GABRA5: variants seen among roughly 807,000 people sequenced by gnomAD.
The protein encoded by GABRA5 is gamma-aminobutyric acid type A receptor subunit alpha5.
A neutral mutation model predicts 47.3 loss-of-function variants in GABRA5; 18 were observed. That is an observed-to-expected ratio of 0.38 (90% CI 0.26 to 0.56). GABRA5 has a LOEUF of 0.56. GABRA5 is among the 20% of genes least tolerant of loss of function. GABRA5 has a pLI of 0.71. For synonymous variants in GABRA5, 237 were observed against 229.3 expected (o/e 1.03, Z -0.30); for missense variants, 365 against 599.3 (o/e 0.61, Z 4.08).
chr15:26,894,394 G>C (rs540405079), intron 6 of GABRA5, among the ~76,000 whole-genome samples: 1 of 152,302 alleles, frequency 6.6e-6, no homozygotes, highest in East Asian at 1.9e-4. Context: ...CGGGCAGCCA[G>C]TGGGTCCCCG....
chr15:26,894,603 A>C (rs1451067016), intron 6 of GABRA5, among the ~76,000 whole-genome samples: 1 of 152,016 alleles, frequency 6.6e-6, no homozygotes, highest in Non-Finnish European at 1.5e-5. Context: ...AGTTTCCTTC[A>C]TCGGAATTCC....
At chr15:26,894,127 C>G (rs903187001) in intron 6 of GABRA5, among the ~76,000 whole-genome samples, 2 of 152,256 alleles carry the variant, frequency 1.3e-5, no homozygotes, top group African/African-American at 2.4e-5. Context: ...CGGGCAGAAG[C>G]CCTGCCCAGA....
At chr15:26,911,683 C>T (rs1221218713) in intron 6 of GABRA5, among the ~76,000 whole-genome samples, 1 of 152,128 alleles carries the variant, frequency 6.6e-6, no homozygotes, top group Non-Finnish European at 1.5e-5. Flanking sequence ...AGAGTAGGTG[C>T]ATGCAACAGA....
chr15:26,908,465 G>A (rs917519681), intron 6 of GABRA5, among the ~76,000 whole-genome samples: 6 of 152,166 alleles, frequency 3.9e-5, no homozygotes, highest in Admixed American at 1.3e-4. Flanking sequence ...ATTGCCTGCC[G>A]TCATGCCAGC....
At chr15:26,870,481 C>T (rs1892439344) in intron 3 of GABRA5, among the ~76,000 whole-genome samples, 1 of 152,170 alleles carries the variant, frequency 6.6e-6, no homozygotes, top group Non-Finnish European at 1.5e-5. Context: ...GATGCCTGTC[C>T]CTCACCAACA....
In GABRA5 at chr15:26,880,838, T is replaced by C; in HGVS notation, c.87-8T>C. ...TTTAACGCTTCCTCTTGTTTCTCTT[T>C]TTAAAAGCTTTTCACAGATGCCAAC... is the stretch of plus-strand genomic sequence containing the variant. On this transcript the variant is annotated splice_polypyrimidine_tract_variant and splice_region_variant and intron_variant, in intron 3 of 10. Coordinates refer to ENST00000335625, the MANE Select transcript of GABRA5 (RefSeq NM_000810.4). 6.2e-7 allele frequency: 1 copy of C among 1,612,720 alleles called. No individual in the cohort carries two copies. The highest frequency in any genetic ancestry group is 8.5e-7 in the Non-Finnish European group (1 of 1,179,484).
rs553678148 is a variant in GABRA5, at chr15:26,928,490, A to G, written c.581-8695A>G. ...TGAATGTTTGTTTCCTCCCCAAATC[A>G]TGTGTTGAAACCCAATCCCCAGTGT... On this transcript the variant is annotated intron_variant, in intron 7 of 10. Transcript: ENST00000335625. Among the ~76,000 whole-genome samples, 6 of 152,212 alleles carry G rather than the reference A, an allele frequency of 3.9e-5. No individual in the cohort carries two copies. In the South Asian group the frequency reaches 1.2e-3, roughly 32 times the overall value.
At chr15:26,898,371 G>A (rs1315877790) in intron 6 of GABRA5, among the ~76,000 whole-genome samples, 4 of 152,154 alleles carry the variant, frequency 2.6e-5, no homozygotes, top group Non-Finnish European at 5.9e-5. Context: ...TCACCCACAC[G>A]CTTCAACAAG....
chr15:26,938,076 AT>A (rs1894290436), intron 8 of GABRA5, among the ~76,000 whole-genome samples: 1 of 152,160 alleles, frequency 6.6e-6, no homozygotes, highest in Admixed American at 6.5e-5. Context: ...CCCAGAGGAT[AT>A]TTTCAGGGGA....
In GABRA5 at chr15:26,947,963, A is replaced by G. The variant is rs756646551; in HGVS notation, c.1119A>G (p.Ser373=). ...AGCGTGAAGTCATACTAAATAAGTC[A>G]ACAAACGCTTTTACAACTGGGAAGA... ...KKKREVILNK[S]TNAFTTGKMS... is the part of the protein sequence containing the mutation. The change falls in exon 11 of 11, where the codon TCA becomes TCG. Residue 373 remains serine, a synonymous_variant. Transcript: ENST00000335625. 5.7e-6 allele frequency: 9 copies of G among 1,587,328 alleles called. No individual in the cohort carries two copies. In the African/African-American group the frequency reaches 1.2e-4, roughly 21 times the overall value.
Position 26,883,845 on chromosome 15 carries a change from AATT to A in GABRA5, c.497+294_497+296del, listed in dbSNP as rs141740486. ...GCCCATATAATGTCGGATAGGGAAA[AATT>A]ATTATATTAAACTTAAACATCTAAG... On this transcript the variant is annotated intron_variant, in intron 6 of 10. Transcript: ENST00000335625. The surrounding 1 kb of genome is among the most constrained non-coding windows in gnomAD (Gnocchi z 4.8). Among the ~76,000 whole-genome samples, 399 of 152,184 alleles carry A rather than the reference AATT, an allele frequency of 2.6e-3. 9 individuals carry two copies. The East Asian group carries it at 0.066, about 25-fold the overall frequency.
chr15:26,939,579 T>A lies in GABRA5; in HGVS notation c.725-346T>A, dbSNP rs1894336412. ...GCTCTGTGAAATCCTGAGTTACATCTGGGGAGGCTAAATCCTGAAATCCTA... is the reference window on the plus strand; with the variant it reads ...GCTCTGTGAAATCCTGAGTTACATCAGGGGAGGCTAAATCCTGAAATCCTA... On this transcript the variant is annotated intron_variant, in intron 8 of 10. Transcript: ENST00000335625. 9 of 608,416 alleles carry A rather than the reference T, an allele frequency of 1.5e-5. No homozygotes were observed. The South Asian group carries it at 1.6e-4, about 11-fold the overall frequency. The allele number at this position is 608,416 out of a possible 1,614,324, so 37.7% of individuals were successfully genotyped here. A position where few individuals can be genotyped will look rare whatever the true frequency, so the allele number is the denominator to read the frequency against.
chr15:26,933,602 C>T (rs1216209628), intron 7 of GABRA5, among the ~76,000 whole-genome samples: 1 of 152,188 alleles, frequency 6.6e-6, no homozygotes, highest in Non-Finnish European at 1.5e-5. Context: ...TGACTCTCTC[C>T]CTGTCAGGCC....
chr15:26,889,132 A>G (rs902710210), intron 6 of GABRA5, among the ~76,000 whole-genome samples: 1 of 152,246 alleles, frequency 6.6e-6, no homozygotes, highest in African/African-American at 2.4e-5. Context: ...TTTGCACACT[A>G]TGTATTCCTC....
chr15:26,911,371 G>GCACACA (rs111798012), intron 6 of GABRA5, among the ~76,000 whole-genome samples: 10,856 of 118,284 alleles, frequency 0.092, 483 homozygotes, highest in Non-Finnish European at 0.11. Flanking sequence ...CTTGCTGCAT[G>GCACACA]CACACACACA....
chr15:26,928,329 T>C (rs1894008731), intron 7 of GABRA5, among the ~76,000 whole-genome samples: 1 of 152,228 alleles, frequency 6.6e-6, no homozygotes, highest in South Asian at 2.1e-4. Flanking sequence ...CACAGGTTTC[T>C]GAGTGCCTCG....
At position 26,883,564 on chromosome 15, in the gene GABRA5, GC is replaced by G; in HGVS notation, c.497+9del. 6.5e-7 allele frequency: 1 copy of G among 1,534,912 alleles called. No individual in the cohort carries two copies. The highest frequency in any genetic ancestry group is 8.9e-7 in the Non-Finnish European group (1 of 1,122,276). ...CCCTGCTCTACACCATGCGGTGAGCGCCGGGCGGGGGCGGGCGGGGCCGGGG... is the reference window on the plus strand; with the variant it reads ...CCCTGCTCTACACCATGCGGTGAGCGCGGGCGGGGGCGGGCGGGGCCGGGG... On this transcript the variant is annotated splice_region_variant and intron_variant, in intron 6 of 10. Coordinates refer to ENST00000335625, the MANE Select transcript of GABRA5 (RefSeq NM_000810.4). The surrounding 1 kb of genome is among the most constrained non-coding windows in gnomAD (Gnocchi z 4.8).
At chr15:26,884,787 C>T (rs1241535413) in intron 6 of GABRA5, among the ~76,000 whole-genome samples, 2 of 152,152 alleles carry the variant, frequency 1.3e-5, no homozygotes, top group Non-Finnish European at 2.9e-5. Context: ...AGCCTGGGAG[C>T]CGCCTTTTGG....
At chr15:26,937,433 GCACAGCA>G in intron 8 of GABRA5, 105 bp downstream of exon 8, 3 of 1,207,452 alleles carry the variant, frequency 2.5e-6, no homozygotes, top group Non-Finnish European at 3.4e-6. Context: ...GTGGGAGGCC[GCACAGCA>G]GCCTCCCACA....
Sources: gnomAD v4.1 joint callset for allele counts (sites outside exome capture counted in the v4.1 genomes callset) on GRCh38, gnomAD v4.1.1 for gene constraint, Gnocchi (gnomAD v3.1) non-coding constraint, MANE v1.5 for transcripts, NCBI Gene and HGNC (gene_info 2026-07-23, HGNC 2026-07-21) for gene names.